ZNF823: variants seen among roughly 807,000 people sequenced by gnomAD.
ZNF823 encodes zinc finger protein 823.
In ZNF823, 5 loss-of-function variants were observed where a neutral mutation model predicts 11.4. That is an observed-to-expected ratio of 0.44 (90% CI 0.23 to 0.92). ZNF823 has a LOEUF of 0.92. ZNF823 is among the 40% of genes least tolerant of loss of function. ZNF823 has a pLI of 0.24. For missense variants in ZNF823, 582 were observed against 738.5 expected, an observed-to-expected ratio of 0.79 and a Z score of 2.46; for synonymous variants, 234 against 250.5, an observed-to-expected ratio of 0.93 and a Z score of 0.62.
In ZNF823 at chr19:11,723,287, T is replaced by G. The variant is rs769585599; in HGVS notation, c.247A>C (p.Ile83Leu). The G allele has an allele frequency of 6.2e-7, 1 of 1,613,860 alleles. No individual in the cohort carries two copies. The highest frequency in any genetic ancestry group is 1.1e-5 in the South Asian group (1 of 91,020). ...DSQCGETFGQ[I>L]PDSIVNKNTP... ...TTCTTGTTCACAATACTATCTGGAA[T>G]CTGGCCAAAAGTTTCTCCACATTGA... Residue 83 changes from isoleucine to leucine, a missense_variant, in exon 4 of 4, where the codon ATT becomes CTT. Ile to Leu is a conservative substitution (Grantham distance 5). Transcript: ENST00000341191.
chr19:11,725,360 T>C (rs370960199), intron 1 of ZNF823, 33 bp from the exon 2 acceptor site: 24 of 1,611,116 alleles, frequency 1.5e-5, no homozygotes, highest in South Asian at 8.8e-5. Context: ...AGGAGGAAGG[T>C]TGAGATGGAC....
chr19:11,726,034 C>A (rs1974782236), intron 1 of ZNF823: 1 of 149,012 alleles, frequency 6.7e-6, no homozygotes, highest in African/African-American at 2.5e-5. Flanking sequence ...TTGAGACCAG[C>A]CTGGGAAACA....
intron 1 of ZNF823, among the ~76,000 whole-genome samples, chr19:11,735,826 G>A (rs565493275): frequency 2.6e-5 from 4 of 152,112 alleles, no homozygotes; most frequent in South Asian, 4.1e-4. Context: ...AAACCACAAC[G>A]CATCTATATT....
At chr19:11,733,301 A>G (rs900942012) in intron 1 of ZNF823, among the ~76,000 whole-genome samples, 3 of 144,172 alleles carry the variant, frequency 2.1e-5, no homozygotes, top group Non-Finnish European at 4.5e-5. Flanking sequence ...CAGGAGTCGG[A>G]GGTTGCAGCG....
At chr19:11,730,722 C>T (rs900772953) in intron 1 of ZNF823, 4 of 152,098 alleles carry the variant, frequency 2.6e-5, no homozygotes, top group African/African-American at 9.7e-5. Flanking sequence ...AAGGAATAAA[C>T]ACACATGCAC....
chr19:11,732,289 C>A (rs1315568835), intron 1 of ZNF823, among the ~76,000 whole-genome samples: 1 of 151,888 alleles, frequency 6.6e-6, no homozygotes, highest in Non-Finnish European at 1.5e-5. Context: ...CTCAGCCTCC[C>A]GAGCAGCCGG....
chr19:11,738,927 C>G lies in ZNF823; in HGVS notation c.-108G>C. The G allele has an allele frequency of 7.0e-7, 1 of 1,423,910 alleles. No homozygotes were observed. The highest frequency in any genetic ancestry group is 2.7e-5 in the East Asian group (1 of 37,346). 88.2% of individuals were successfully genotyped at this position (1,423,910 alleles called of 1,614,324 possible). ...GGGCGTCTCTCTCTCAGCGCCAGAGCCAGGACTCAGAGCGCAGGGGCGTGG... is the reference window on the plus strand; with the variant it reads ...GGGCGTCTCTCTCTCAGCGCCAGAGGCAGGACTCAGAGCGCAGGGGCGTGG... On this transcript the variant is annotated 5_prime_UTR_variant, in exon 1 of 4. Transcript: ENST00000341191.
chr19:11,725,036 A>T (rs926550946), intron 2 of ZNF823, among the ~76,000 whole-genome samples, 165 bp downstream of exon 2: 1 of 152,206 alleles, frequency 6.6e-6, no homozygotes, highest in African/African-American at 2.4e-5. Context: ...GGACAAAAAA[A>T]GTTATTAGAG....
At chr19:11,723,835 G>A (rs1304424703) in intron 3 of ZNF823, among the ~76,000 whole-genome samples, 3 of 152,136 alleles carry the variant, frequency 2.0e-5, no homozygotes, top group Admixed American at 1.3e-4. Context: ...GTGAGCCACC[G>A]CTCCTGGCCC....
Position 11,725,192 on chromosome 19 carries a change from C to G in ZNF823, c.130+9G>C, listed in dbSNP as rs2145206635. The G allele has an allele frequency of 1.2e-6, 2 of 1,609,614 alleles. No individual in the cohort carries two copies. The highest frequency in any genetic ancestry group is 2.2e-5 in the East Asian group (1 of 44,816). ...AATTGACTAAGTGAAGAGATGATGT[C>G]ATCCTTACCTATACAGTCCAGGTTC... is the stretch of plus-strand genomic sequence containing the variant. On this transcript the variant is annotated intron_variant, in intron 2 of 3. Coordinates refer to ENST00000341191, the MANE Select transcript of ZNF823 (RefSeq NM_001080493.4).
chr19:11,729,901 A>G (rs897493245), intron 1 of ZNF823, among the ~76,000 whole-genome samples: 1 of 151,150 alleles, frequency 6.6e-6, no homozygotes, highest in Admixed American at 6.6e-5. Context: ...TCCAGGGCTT[A>G]TATCTTGTCC....
At chr19:11,729,644 C>T (rs1157459545) in intron 1 of ZNF823, among the ~76,000 whole-genome samples, 2 of 152,138 alleles carry the variant, frequency 1.3e-5, no homozygotes. Context: ...GACCAATATA[C>T]CTGAATCTAA....
intron 1 of ZNF823, among the ~76,000 whole-genome samples, chr19:11,738,439 C>T (rs1975035889): frequency 6.6e-6 from 1 of 152,248 alleles, no homozygotes; most frequent in Non-Finnish European, 1.5e-5. Context: ...TCTGGGGTGT[C>T]CTCCCCTCTC....
intron 2 of ZNF823, 96 bp from the exon 3 acceptor site, chr19:11,724,350 C>T (rs954626022): frequency 9.3e-7 from 1 of 1,073,898 alleles, no homozygotes; most frequent in East Asian, 2.6e-5. Flanking sequence ...ATGATTCATT[C>T]ACCAAAGTAC....
intron 1 of ZNF823, among the ~76,000 whole-genome samples, chr19:11,733,691 T>A (rs1974945126): frequency 6.6e-6 from 1 of 152,184 alleles, no homozygotes; most frequent in Non-Finnish European, 1.5e-5. Context: ...AGAACAAGAC[T>A]CTGTTTCAAA....
At chr19:11,725,599 T>C (rs1160883450) in intron 1 of ZNF823, among the ~76,000 whole-genome samples, 1 of 152,212 alleles carries the variant, frequency 6.6e-6, no homozygotes, top group African/African-American at 2.4e-5. Flanking sequence ...TCACCCCTGA[T>C]GTCTATTTCT....
chr19:11,726,780 GTAACAAAAACCAGAC>G (rs1338389759), intron 1 of ZNF823, among the ~76,000 whole-genome samples: 2 of 152,140 alleles, frequency 1.3e-5, no homozygotes, highest in Non-Finnish European at 2.9e-5. Context: ...CCTGTTATAA[GTAACAAAAACCAGAC>G]TAAGACAGTT....
At chr19:11,729,100 G>A (rs140022784) in intron 1 of ZNF823, among the ~76,000 whole-genome samples, 3,258 of 151,860 alleles carry the variant, frequency 0.021, 122 homozygotes, top group African/African-American at 0.075. Context: ...ACTTGAACCC[G>A]GGAGGCGGAG....
rs1484778619 is a variant in ZNF823 at position 11,722,569 on chromosome 19, T to C, written c.965A>G (p.His322Arg). Reference protein sequence around the residue: ...TFYHHTSFRRHMIRHTGDGPH... With the variant: ...TFYHHTSFRRRMIRHTGDGPH... ...TCCGTCTCCAGTGTGCCTTATCATGTGTCTTCGAAAGCTTGTGTGATGATA... is the reference window on the plus strand; with the variant it reads ...TCCGTCTCCAGTGTGCCTTATCATGCGTCTTCGAAAGCTTGTGTGATGATA... The change falls in exon 4 of 4, where the codon CAC becomes CGC. Residue 322 changes from histidine to arginine, a missense_variant. By Grantham distance (29) the His-to-Arg change is conservative. Transcript: ENST00000341191. The surrounding 1 kb of genome is among the most constrained non-coding windows in gnomAD (Gnocchi z 5.2). 1.2e-6 allele frequency: 2 copies of C among 1,614,126 alleles called. No individual in the cohort carries two copies. Among genetic ancestry groups the C allele is most frequent in the Non-Finnish European group, 1.7e-6 (2 of 1,180,046 alleles).
Sources: allele counts gnomAD v4.1 joint callset (sites outside exome capture counted in the v4.1 genomes callset), GRCh38; gene constraint gnomAD v4.1.1; non-coding constraint Gnocchi (gnomAD v3.1); transcripts MANE v1.5; gene names NCBI Gene and HGNC (gene_info 2026-07-23, HGNC 2026-07-21).